COL10A1: variants seen among roughly 807,000 people sequenced by gnomAD.
COL10A1 encodes the protein collagen type X alpha 1 chain.
In COL10A1, 10 loss-of-function variants were observed where a neutral mutation model predicts 18.2. The observed-to-expected ratio is 0.55, with a 90% CI of 0.34 to 0.93. The LOEUF is 0.93. COL10A1 is among the 40% of genes least tolerant of loss of function. COL10A1 has a pLI of 0.02. For synonymous variants in COL10A1, 330 were observed against 316.6 expected (o/e 1.04, Z -0.45); for missense variants, 897 against 853.5 (o/e 1.05, Z -0.64).
chr6:116,151,693 T>G (rs1295385963), intron 1 of COL10A1, among the ~76,000 whole-genome samples: 1 of 152,206 alleles, frequency 6.6e-6, no homozygotes, highest in African/African-American at 2.4e-5. Flanking sequence ...AATTTTATAT[T>G]TCTCTTTCCC....
chr6:116,121,870 T>C lies in COL10A1; in HGVS notation c.246A>G (p.Lys82=), dbSNP rs1779142586. The C allele has an allele frequency of 6.2e-7, 1 of 1,613,784 alleles. No homozygotes were observed. The highest frequency in any genetic ancestry group is 8.5e-7 in the Non-Finnish European group (1 of 1,179,980). ...GHPGPSGPPG[K]PGYGSPGLQG... ...GGAGTCCAGGACTTCCGTAGCCTGG[T>C]TTTCCTGGTGGTCCAGAAGGACCTG... Residue 82 remains lysine (K), a synonymous_variant, in exon 3 of 3, where the codon AAA becomes AAG. Transcript: ENST00000651968.
At chr6:116,184,778 T>C in the COL10A1 span, among the ~76,000 whole-genome samples, 2 of 152,104 alleles carry the variant, frequency 1.3e-5, no homozygotes, top group Non-Finnish European at 2.9e-5. Context: ...TTCTCTCTTC[T>C]TAGTTATTCT....
intron 1 of COL10A1, among the ~76,000 whole-genome samples, chr6:116,143,427 T>C (rs1328377299): frequency 6.6e-6 from 1 of 152,152 alleles, no homozygotes; most frequent in Admixed American, 6.5e-5. Context: ...TTGGCCAGGA[T>C]GGTCTTGATC....
rs572937757 is a variant in COL10A1, at chr6:116,147,752, T to C, written c.-16+10862A>G. Among the ~76,000 whole-genome samples, 6 of 152,304 alleles carry C rather than the reference T, an allele frequency of 3.9e-5. No homozygotes were observed. The East Asian group carries it at 1.2e-3, about 29-fold the overall frequency. ...TATCTCTAAGAATTTATATTACAGA[T>C]ACGGTTGCATGTGTGCAAATGATGT... On this transcript the variant is annotated intron_variant, in intron 1 of 1. Coordinates refer to the COL10A1 transcript ENST00000418500.
chr6:116,125,447 C>T lies in COL10A1; in HGVS notation c.46G>A (p.Val16Ile). 1 of 1,613,836 alleles carries T rather than the reference C, an allele frequency of 6.2e-7. No individual in the cohort carries two copies. The highest frequency in any genetic ancestry group is 8.5e-7 in the Non-Finnish European group (1 of 1,179,860). Residue 16 changes from valine to isoleucine, a missense_variant, in exon 2 of 3, where the codon GTT becomes ATT. By Grantham distance (29) the Val-to-Ile change is conservative. Coordinates refer to ENST00000651968, the MANE Select transcript of COL10A1 (RefSeq NM_000493.4). ...PFLLLVSLNLVHGVFYAERYQ... is the reference protein window; with the variant it reads ...PFLLLVSLNLIHGVFYAERYQ... ...CGTTCAGCGTAAAACACTCCATGAA[C>T]CAAGTTCAAGGATACTAGCAGCAAA... is the stretch of plus-strand genomic sequence containing the variant.
chr6:116,136,539 G>A (rs935987496), intron 1 of COL10A1, among the ~76,000 whole-genome samples: 18 of 152,056 alleles, frequency 1.2e-4, no homozygotes, highest in Admixed American at 3.3e-4. Flanking sequence ...GCTGGTAGGC[G>A]GCAGAACTGG....
At chr6:116,165,458 C>G in the COL10A1 span, among the ~76,000 whole-genome samples, 1 of 152,198 alleles carries the variant, frequency 6.6e-6, no homozygotes, top group Non-Finnish European at 1.5e-5. Context: ...CTTCTTCTTT[C>G]TCAGGAATAC....
chr6:116,160,708 G>A (rs1047680598), upstream of COL10A1, among the ~76,000 whole-genome samples: 3 of 152,144 alleles, frequency 2.0e-5, no homozygotes, highest in African/African-American at 4.8e-5. Flanking sequence ...CCAGTGTCCA[G>A]AAGAGTTTCC....
At chr6:116,160,024 C>T (rs1227705219), upstream of COL10A1, among the ~76,000 whole-genome samples, 1 of 152,110 alleles carries the variant, frequency 6.6e-6, no homozygotes, top group Non-Finnish European at 1.5e-5. Context: ...TTTTGATGGA[C>T]ACTTAGGTCA....
rs1181038080 is a variant in COL10A1 at position 116,120,465 on chromosome 6, C to G, written c.1651G>C (p.Val551Leu). The change falls in exon 3 of 3, where the codon GTG becomes CTG. Residue 551 changes from valine to leucine, a missense_variant. Val to Leu is a conservative substitution (Grantham distance 32). Coordinates refer to ENST00000651968, the MANE Select transcript of COL10A1 (RefSeq NM_000493.4). ...GAGAGAATAACAGTAAAAGCAGACA[C>G]AGGCATTCCTGTTACCCCCTGGTTG... ...SANQGVTGMP[V>L]SAFTVILSKA... 1.2e-5 allele frequency: 19 copies of G among 1,614,240 alleles called. No individual in the cohort carries two copies. Among genetic ancestry groups the G allele is most frequent in the Non-Finnish European group, 1.5e-5 (18 of 1,180,046 alleles).
At chr6:116,207,702 G>A in the COL10A1 span, among the ~76,000 whole-genome samples, 3 of 151,984 alleles carry the variant, frequency 2.0e-5, no homozygotes, top group African/African-American at 7.2e-5. Flanking sequence ...GCCCTGCTTA[G>A]AGTAGAATAT....
rs1321655334 is a variant in COL10A1, at chr6:116,125,425, T to G, written c.68A>C (p.Glu23Ala). Residue 23 changes from glutamate to alanine, a missense_variant, in exon 2 of 3, where the codon GAA becomes GCA. By Grantham distance (107) the Glu-to-Ala change is moderately radical. Coordinates refer to ENST00000651968, the MANE Select transcript of COL10A1 (RefSeq NM_000493.4). ...TATGCCTGTGGGCATTTGGTATCGT[T>G]CAGCGTAAAACACTCCATGAACCAA... is the stretch of plus-strand genomic sequence containing the variant. ...LNLVHGVFYA[E>A]RYQMPTGIKG... 6.2e-6 allele frequency: 10 copies of G among 1,613,786 alleles called. No individual in the cohort carries two copies. Among genetic ancestry groups the G allele is most frequent in the Non-Finnish European group, 7.6e-6 (9 of 1,179,878 alleles).
chr6:116,197,888 A>C, the COL10A1 span, among the ~76,000 whole-genome samples: 1 of 151,012 alleles, frequency 6.6e-6, no homozygotes, highest in Non-Finnish European at 1.5e-5. Context: ...CTTTATATAC[A>C]CATGTCTACT....
chr6:116,168,039 T>G, the COL10A1 span, among the ~76,000 whole-genome samples: 1 of 151,892 alleles, frequency 6.6e-6, no homozygotes, highest in African/African-American at 2.4e-5. Context: ...CTAATTTCTC[T>G]TTGTCTTTGG....
the COL10A1 span, among the ~76,000 whole-genome samples, chr6:116,170,198 G>C: frequency 6.6e-6 from 1 of 152,112 alleles, no homozygotes; most frequent in Non-Finnish European, 1.5e-5. Flanking sequence ...GAGACAAAAG[G>C]AGTCATAGCT....
intron 1 of COL10A1, among the ~76,000 whole-genome samples, chr6:116,133,835 A>G (rs1779525263): frequency 6.6e-6 from 1 of 152,154 alleles, no homozygotes; most frequent in Non-Finnish European, 1.5e-5. Flanking sequence ...GCTTTCTTTC[A>G]TATTTTAAAG....
intron 1 of COL10A1, among the ~76,000 whole-genome samples, chr6:116,139,074 A>T (rs932294388): frequency 2.0e-5 from 3 of 152,188 alleles, no homozygotes; most frequent in Non-Finnish European, 4.4e-5. Context: ...ACTACAAAAA[A>T]AGATGTATTC....
At chr6:116,137,113 A>G in intron 1 of COL10A1, 1 of 216,046 alleles carries the variant, frequency 4.6e-6, no homozygotes, top group Non-Finnish European at 1.0e-5. Context: ...TTGATGAAAT[A>G]CCACAAATCG....
At chr6:116,135,080 A>G (rs1779556557) in intron 1 of COL10A1, among the ~76,000 whole-genome samples, 1 of 152,016 alleles carries the variant, frequency 6.6e-6, no homozygotes, top group Non-Finnish European at 1.5e-5. Flanking sequence ...GATTTATTCA[A>G]CTCTTCAATG....
Sources: gnomAD v4.1 joint callset for allele counts (sites outside exome capture counted in the v4.1 genomes callset) on GRCh38, gnomAD v4.1.1 for gene constraint, MANE v1.5 for transcripts, NCBI Gene and HGNC (gene_info 2026-07-23, HGNC 2026-07-21) for gene names.